The following PRKG1 variants were observed in gnomAD, a reference collection of about 807,000 sequenced individuals.
PRKG1 encodes the protein protein kinase cGMP-dependent 1.
A neutral mutation model predicts 88.1 loss-of-function variants in PRKG1; 35 were observed. That is an observed-to-expected ratio of 0.40 (90% CI 0.30 to 0.53). PRKG1 has a LOEUF of 0.53. Among genes scored for constraint, PRKG1 ranks in the 20% least tolerant of loss-of-function variants. The probability of loss-of-function intolerance (pLI) is 0.59; values close to 1 mark genes in which losing one functional copy is unlikely to be tolerated. For synonymous variants in PRKG1, 303 were observed against 292.5 expected (o/e 1.04, Z -0.37); for missense variants, 540 against 839.8 (o/e 0.64, Z 4.41).
chr10:51,978,149 C>A (rs1332272246), intron 5 of PRKG1, among the ~76,000 whole-genome samples: 2 of 151,590 alleles, frequency 1.3e-5, no homozygotes, highest in Non-Finnish European at 3.0e-5. Flanking sequence ...GGTCCAGTTT[C>A]AATCTTCTGC....
intron 3 of PRKG1, chr10:51,697,551 G>A: frequency 1.2e-6 from 1 of 800,130 alleles, no homozygotes; most frequent in East Asian, 2.8e-5. Flanking sequence ...AAAACAGAAA[G>A]AAAGAAAAAG....
At chr10:51,368,829 G>T (rs774397713) in intron 2 of PRKG1, among the ~76,000 whole-genome samples, 1 of 152,090 alleles carries the variant, frequency 6.6e-6, no homozygotes, top group Non-Finnish European at 1.5e-5. Context: ...CTTCATGGGA[G>T]CGTAGTGTCC....
At position 52,024,377 on chromosome 10, in the gene PRKG1, C is replaced by T. The variant is rs1009354982; in HGVS notation, c.763-30107C>T. Among the ~76,000 whole-genome samples, 4 of 151,148 alleles carry T rather than the reference C, an allele frequency of 2.6e-5. No homozygotes were observed. The East Asian group carries it at 5.8e-4, about 22-fold the overall frequency. ...TAAGTTCTAGGGTACATGTGCACAA[C>T]GTGCAGGTTTTTAACATGTGTATAC... On this transcript the variant is annotated intron_variant, in intron 5 of 17. Coordinates refer to ENST00000373980, the MANE Select transcript of PRKG1 (RefSeq NM_006258.4).
intron 3 of PRKG1, among the ~76,000 whole-genome samples, chr10:51,768,835 CA>C (rs2132541187): frequency 6.6e-6 from 1 of 152,108 alleles, no homozygotes; most frequent in Non-Finnish European, 1.5e-5. Context: ...AAAATGCTTT[CA>C]ACAGCTAAAA....
At chr10:51,496,541 T>C (rs1840861259) in intron 3 of PRKG1, among the ~76,000 whole-genome samples, 1 of 152,174 alleles carries the variant, frequency 6.6e-6, no homozygotes, top group Non-Finnish European at 1.5e-5. Context: ...CAGCTGTCCC[T>C]TGGCAAAATT....
chr10:52,293,774 C>G, intron 17 of PRKG1, 28 bp from the exon 18 acceptor site: 2 of 1,573,578 alleles, frequency 1.3e-6, no homozygotes, highest in Non-Finnish European at 1.7e-6. Context: ...AAAAAATCCA[C>G]TAAAAAAAAC....
intron 1 of PRKG1, among the ~76,000 whole-genome samples, chr10:51,054,510 G>A (rs574145152): frequency 1.3e-5 from 2 of 152,212 alleles, no homozygotes; most frequent in South Asian, 2.1e-4. Flanking sequence ...GAATTCTAGA[G>A]GAAGCCTCTC....
intron 5 of PRKG1, among the ~76,000 whole-genome samples, chr10:52,036,526 G>A (rs1384985175): frequency 6.6e-6 from 1 of 151,966 alleles, no homozygotes; most frequent in Non-Finnish European, 1.5e-5. Context: ...GTTGAGTGGG[G>A]TAAGGGTGAT....
chr10:51,000,277 G>A (rs1842875480), intron 1 of PRKG1, among the ~76,000 whole-genome samples: 1 of 152,210 alleles, frequency 6.6e-6, no homozygotes, highest in African/African-American at 2.4e-5. Flanking sequence ...CCATTTTCTT[G>A]CATTCCAGTT....
chr10:51,237,082 C>T (rs1839014746), intron 2 of PRKG1, among the ~76,000 whole-genome samples: 1 of 152,200 alleles, frequency 6.6e-6, no homozygotes, highest in South Asian at 2.1e-4. Flanking sequence ...TGCACCTGCT[C>T]AGATAACAAA....
chr10:51,563,741 A>G (rs1366914923), intron 3 of PRKG1, among the ~76,000 whole-genome samples: 1 of 152,180 alleles, frequency 6.6e-6, no homozygotes, highest in Non-Finnish European at 1.5e-5. Flanking sequence ...TATTTGAAAA[A>G]TGAGGATGCT....
intron 3 of PRKG1, among the ~76,000 whole-genome samples, chr10:51,515,837 G>A (rs776660470): frequency 5.9e-5 from 9 of 152,106 alleles, no homozygotes; most frequent in East Asian, 1.9e-4. Flanking sequence ...GGAACCGGCC[G>A]ACCACTTTGG....
chr10:51,834,690 A>C (rs1840085286), intron 4 of PRKG1, among the ~76,000 whole-genome samples: 1 of 141,160 alleles, frequency 7.1e-6, no homozygotes, highest in Admixed American at 6.7e-5. Context: ...GAAAGAAAGA[A>C]AGAAAGAGAG....
At chr10:52,047,524 A>T (rs778243912) in intron 5 of PRKG1, among the ~76,000 whole-genome samples, 3 of 152,158 alleles carry the variant, frequency 2.0e-5, no homozygotes, top group Non-Finnish European at 2.9e-5. Context: ...AAGGATAGCA[A>T]TGGTGAGAAT....
At chr10:52,062,507 G>A in intron 6 of PRKG1, 30 bp from the exon 7 acceptor site, 1 of 1,436,342 alleles carries the variant, frequency 7.0e-7, no homozygotes, top group South Asian at 1.3e-5. Context: ...GTAAGCAGTG[G>A]ATCTAAACTT....
intron 5 of PRKG1, among the ~76,000 whole-genome samples, chr10:52,017,082 G>A (rs950230895): frequency 2.0e-5 from 3 of 152,252 alleles, no homozygotes; most frequent in Admixed American, 1.3e-4. Context: ...CTGAAAAAGA[G>A]GGAGTGAAGG....
chr10:51,777,104 A>G (rs1191927355), intron 3 of PRKG1, among the ~76,000 whole-genome samples: 1 of 152,184 alleles, frequency 6.6e-6, no homozygotes, highest in Non-Finnish European at 1.5e-5. Context: ...GCTGATTTGT[A>G]CAACTTTGCC....
At chr10:51,497,007 G>A (rs113245521) in intron 3 of PRKG1, among the ~76,000 whole-genome samples, 39 of 152,140 alleles carry the variant, frequency 2.6e-4, no homozygotes, top group African/African-American at 8.9e-4. Flanking sequence ...TGGGCCTGTC[G>A]TCGTTTATCA....
chr10:51,642,919 C>A (rs983002741), intron 3 of PRKG1, among the ~76,000 whole-genome samples: 2 of 152,108 alleles, frequency 1.3e-5, no homozygotes, highest in Non-Finnish European at 2.9e-5. Flanking sequence ...TCTGAAATCA[C>A]AAGAAAAAAT....
Sources: allele counts gnomAD v4.1 joint callset (sites outside exome capture counted in the v4.1 genomes callset), GRCh38; gene constraint gnomAD v4.1.1; transcripts MANE v1.5; gene names NCBI Gene and HGNC (gene_info 2026-07-23, HGNC 2026-07-21).